The following SOS1 variants were observed in gnomAD, a reference collection of about 807,000 sequenced individuals.
SOS1 encodes SOS Ras/Rac guanine nucleotide exchange factor 1, also known as son of sevenless homolog 1.
A neutral mutation model predicts 157.6 loss-of-function variants in SOS1; 25 were observed. The observed-to-expected ratio is 0.16, with a 90% CI of 0.12 to 0.22. SOS1 has a LOEUF of 0.22. Ranked by LOEUF, SOS1 falls within the 10% of genes least tolerant of loss-of-function variation. The pLI, the probability that SOS1 is intolerant of heterozygous loss-of-function variation, is 1.00. For synonymous variants in SOS1, 528 were observed against 534.0 expected (o/e 0.99, Z 0.16); for missense variants, 1,237 against 1,599.1 (o/e 0.77, Z 3.86).
intron 1 of SOS1, among the ~76,000 whole-genome samples, chr2:39,100,420 T>G (rs1409780924): frequency 6.6e-6 from 1 of 152,176 alleles, no homozygotes; most frequent in East Asian, 1.9e-4. Flanking sequence ...AACTGACAGA[T>G]GAATGAAAAA....
intron 1 of SOS1, among the ~76,000 whole-genome samples, chr2:39,111,418 G>A (rs1254289365): frequency 6.6e-6 from 1 of 152,134 alleles, no homozygotes; most frequent in Admixed American, 6.5e-5. Flanking sequence ...CAAAATGTTA[G>A]GGTAAAAACT....
At chr2:39,019,814 G>A (rs1415572767) in intron 10 of SOS1, among the ~76,000 whole-genome samples, 2 of 151,442 alleles carry the variant, frequency 1.3e-5, no homozygotes, top group African/African-American at 4.8e-5. Flanking sequence ...TCTATAGTCA[G>A]AGCTTACCTA....
At chr2:39,040,019 T>TTTTATTTG (rs1436449748) in intron 6 of SOS1, among the ~76,000 whole-genome samples, 1 of 152,078 alleles carries the variant, frequency 6.6e-6, no homozygotes, top group Non-Finnish European at 1.5e-5. Context: ...TTTTTTATTT[T>TTTTATTTG]TTATTTTTTT....
At chr2:39,059,642 T>C (rs1270577620) in intron 2 of SOS1, among the ~76,000 whole-genome samples, 1 of 152,196 alleles carries the variant, frequency 6.6e-6, no homozygotes, top group African/African-American at 2.4e-5. Flanking sequence ...TTAAACATCA[T>C]CATAATTATA....
chr2:38,995,265 G>C lies in SOS1; in HGVS notation c.3204C>G (p.Ile1068Met), dbSNP rs1306515352. 1 of 1,614,010 alleles carries C rather than the reference G, an allele frequency of 6.2e-7. No individual in the cohort carries two copies. The highest frequency in any genetic ancestry group is 1.1e-5 in the South Asian group (1 of 91,078). Reference sequence around the variant, plus strand: ...CTGTACTTTCTGTTTCACTTTCAGGGATCCTACTATAACTAATTTTCCTTG... The same window carrying C: ...CTGTACTTTCTGTTTCACTTTCAGGCATCCTACTATAACTAATTTTCCTTG... Reference protein sequence around the residue: ...QEPRKISYSRIPESETESTAS... With the variant: ...QEPRKISYSRMPESETESTAS... The change falls in exon 20 of 23, where the codon ATC (isoleucine) becomes ATG (methionine). Residue 1068 changes from isoleucine to methionine, a missense_variant. By Grantham distance (10) the Ile-to-Met change is conservative. Transcript: ENST00000402219.
intron 17 of SOS1, among the ~76,000 whole-genome samples, chr2:39,002,778 G>T (rs1430439753): frequency 6.6e-6 from 1 of 151,948 alleles, no homozygotes; most frequent in Admixed American, 6.6e-5. Context: ...GAATGTAGAG[G>T]GTCAGGCTGG....
chr2:39,036,961 G>T (rs1670376777), intron 6 of SOS1, among the ~76,000 whole-genome samples: 1 of 152,170 alleles, frequency 6.6e-6, no homozygotes, highest in African/African-American at 2.4e-5. Context: ...GTGAGCCACT[G>T]CGCCTGGCCT....
chr2:39,031,467 C>CA (rs1670158414), intron 8 of SOS1, among the ~76,000 whole-genome samples: 1 of 152,156 alleles, frequency 6.6e-6, no homozygotes, highest in African/African-American at 2.4e-5. Context: ...TGGGGGCTCG[C>CA]ACCTATAATC....
At position 39,007,094 on chromosome 2, in the gene SOS1, A is replaced by G. The variant is rs753181939; in HGVS notation, c.2610T>C (p.Gly870=). 7 of 1,608,122 alleles carry G rather than the reference A, an allele frequency of 4.4e-6. No homozygotes were observed. The highest frequency in any genetic ancestry group is 6.0e-6 in the Non-Finnish European group (7 of 1,174,580). The change falls in exon 16 of 23, where the codon GGT becomes GGC. Residue 870 remains glycine (G), a synonymous_variant. Transcript: ENST00000402219. ...QVFQELNNFN[G]VLEVVSAMNS... is the part of the protein sequence containing the mutation. ...TCATAGCACTGACAACCTCAAGGACACCATTAAAGTTGTTCAACTCTTGAA... is the reference window on the plus strand; with the variant it reads ...TCATAGCACTGACAACCTCAAGGACGCCATTAAAGTTGTTCAACTCTTGAA...
chr2:39,083,862 T>G (rs1672288024), intron 1 of SOS1, among the ~76,000 whole-genome samples: 1 of 152,170 alleles, frequency 6.6e-6, no homozygotes, highest in Admixed American at 6.5e-5. Flanking sequence ...ATGGGCTGAA[T>G]AGTGTCCCTC....
chr2:39,055,750 TG>T (rs1241419377), intron 4 of SOS1, among the ~76,000 whole-genome samples: 2 of 152,224 alleles, frequency 1.3e-5, no homozygotes, highest in African/African-American at 4.8e-5. Context: ...TCTGCAAAGT[TG>T]TTTTCATAAA....
At chr2:39,029,855 G>A (rs556101705) in intron 8 of SOS1, among the ~76,000 whole-genome samples, 127 of 152,096 alleles carry the variant, frequency 8.3e-4, no homozygotes, top group African/African-American at 2.9e-3. Flanking sequence ...TCAAGGGAAT[G>A]TACACTAGAG....
At chr2:38,998,805 G>T (rs1484805085) in intron 17 of SOS1, among the ~76,000 whole-genome samples, 2 of 152,098 alleles carry the variant, frequency 1.3e-5, no homozygotes, top group Non-Finnish European at 2.9e-5. Context: ...GCTTTGAGGA[G>T]AAAAAAGATC....
intron 10 of SOS1, among the ~76,000 whole-genome samples, chr2:39,016,949 A>G (rs564359055): frequency 2.6e-5 from 4 of 152,162 alleles, no homozygotes; most frequent in African/African-American, 9.6e-5. Flanking sequence ...TTAAGCCAAA[A>G]CTTCTGGCCA....
At chr2:39,001,784 A>C (rs2124489192) in intron 17 of SOS1, among the ~76,000 whole-genome samples, 1 of 152,312 alleles carries the variant, frequency 6.6e-6, no homozygotes. Context: ...ATAGGGCACC[A>C]AAACTGACCA....
At chr2:39,001,552 G>A (rs182408810) in intron 17 of SOS1, among the ~76,000 whole-genome samples, 1 of 152,272 alleles carries the variant, frequency 6.6e-6, no homozygotes, top group Non-Finnish European at 1.5e-5. Context: ...AATAATAGAG[G>A]AAGTATCAGC....
rs560966849 is a variant in SOS1 at position 39,074,087 on chromosome 2, C to T, written c.88-6334G>A. 1.9e-3 allele frequency among the ~76,000 whole-genome samples: 287 copies of T among 151,844 alleles called. 5 individuals are homozygous for T. In the South Asian group the frequency reaches 0.026, roughly 14 times the overall value. On this transcript the variant is annotated intron_variant, in intron 1 of 22. Coordinates refer to ENST00000402219, the MANE Select transcript of SOS1 (RefSeq NM_005633.4). ...AGCCTGGGCTGGGCGCGGTGGCCTA[C>T]GCCTGTAATCCCAGCACTTTGGGAG...
chr2:39,001,930 G>A (rs574238508), intron 17 of SOS1, among the ~76,000 whole-genome samples: 44 of 152,206 alleles, frequency 2.9e-4, no homozygotes, highest in Non-Finnish European at 5.3e-4. Context: ...CTACCTACAT[G>A]TTTGTATTCA....
At chr2:39,090,860 T>C (rs193172499) in intron 1 of SOS1, among the ~76,000 whole-genome samples, 2 of 152,246 alleles carry the variant, frequency 1.3e-5, no homozygotes, top group African/African-American at 2.4e-5. Context: ...CATTTTTTGT[T>C]GTTGTTGTTT....
Sources: allele counts gnomAD v4.1 joint callset (sites outside exome capture counted in the v4.1 genomes callset), GRCh38; gene constraint gnomAD v4.1.1; transcripts MANE v1.5; gene names NCBI Gene and HGNC (gene_info 2026-07-23, HGNC 2026-07-21).